The following SCN3A variants were observed in gnomAD, a reference collection of about 807,000 sequenced individuals.
SCN3A encodes sodium voltage-gated channel alpha subunit 3.
SCN3A carries 60 observed loss-of-function variants against 187.6 expected under a neutral mutation model. That is an observed-to-expected ratio of 0.32 (90% CI 0.26 to 0.40). The LOEUF (loss-of-function observed/expected upper bound fraction) is 0.40. Ranked by LOEUF, SCN3A falls within the 10% of genes least tolerant of loss-of-function variation. The probability of loss-of-function intolerance (pLI) is 1.00; values close to 1 mark genes in which losing one functional copy is unlikely to be tolerated. For missense variants in SCN3A, 1,601 were observed against 2,428.2 expected (o/e 0.66, Z 7.16); for synonymous variants, 788 against 829.2 (o/e 0.95, Z 0.85).
intron 2 of SCN3A, among the ~76,000 whole-genome samples, chr2:165,180,186 A>C (rs182619019): frequency 3.3e-5 from 5 of 152,190 alleles, no homozygotes; most frequent in Non-Finnish European, 7.3e-5. Flanking sequence ...TATTTGAGGA[A>C]TAAACTGCGG....
In SCN3A at chr2:165,088,643, A is replaced by G. The variant is rs1684943153; in HGVS notation, c.*1507T>C. The G allele has an allele frequency of 6.6e-6, 1 of 152,564 alleles. No homozygotes were observed. The highest frequency in any genetic ancestry group is 6.5e-5 in the Admixed American group (1 of 15,282). 9.5% of individuals were successfully genotyped at this position (152,564 alleles called of 1,614,324 possible). On this transcript the variant is annotated 3_prime_UTR_variant, in exon 28 of 28. Coordinates refer to ENST00000283254, the MANE Select transcript of SCN3A (RefSeq NM_006922.4). ...ATCCATTGAAAAATCTTATGGATTC[A>G]AAAGTTTGGAATTGTGATTAAAAAT... is the stretch of plus-strand genomic sequence containing the variant.
At chr2:165,123,858 A>G (rs890426268) in intron 18 of SCN3A, among the ~76,000 whole-genome samples, 1 of 152,102 alleles carries the variant, frequency 6.6e-6, no homozygotes, top group African/African-American at 2.4e-5. Context: ...TTTTATTTTA[A>G]AAACTGTCTG....
chr2:165,125,109 A>G (rs763077088), intron 18 of SCN3A, among the ~76,000 whole-genome samples: 136 of 152,154 alleles, frequency 8.9e-4, no homozygotes, highest in Non-Finnish European at 1.7e-3. Flanking sequence ...ATAATCTGCA[A>G]TGATAACCCT....
chr2:165,100,246 A>C (rs770930949), intron 22 of SCN3A, 56 bp downstream of exon 22: 384 of 1,581,080 alleles, frequency 2.4e-4, no homozygotes, highest in Non-Finnish European at 3.2e-4. Context: ...TTTCTATCTA[A>C]ATCATTACCT....
In SCN3A at chr2:165,168,047, G is replaced by T. The variant is rs147613502; in HGVS notation, c.473+689C>A. Among the ~76,000 whole-genome samples the T allele has an allele frequency of 4.9e-3, 746 of 152,174 alleles. 3 individuals are homozygous for T. The highest frequency in any genetic ancestry group is 8.4e-3 in the Non-Finnish European group (568 of 67,956). On this transcript the variant is annotated intron_variant, in intron 5 of 27. Transcript: ENST00000283254. ...AAAGAACTCAATGGCTATGATTTTAGGTACAAACATTAGAAAAGAATCAAC... is the reference window on the plus strand; with the variant it reads ...AAAGAACTCAATGGCTATGATTTTATGTACAAACATTAGAAAAGAATCAAC...
At chr2:165,162,190 C>T in intron 9 of SCN3A, 118 bp downstream of exon 9, 1 of 906,022 alleles carries the variant, frequency 1.1e-6, no homozygotes, top group Non-Finnish European at 1.8e-6. Flanking sequence ...AGGGGAGCAG[C>T]ACTGCTCTTT....
rs572733460 is a variant in SCN3A at position 165,183,846 on chromosome 2, G to C, written c.-51+2705C>G. Among the ~76,000 whole-genome samples, 5 of 152,220 alleles carry C rather than the reference G, an allele frequency of 3.3e-5. No homozygotes were observed. The South Asian group carries it at 1.0e-3, about 32-fold the overall frequency. ...TCATCTTTATGGATGGAAAGTTGCTGTATGTCATACAACTTGAGATAGCAT... is the reference window on the plus strand; with the variant it reads ...TCATCTTTATGGATGGAAAGTTGCTCTATGTCATACAACTTGAGATAGCAT... On this transcript the variant is annotated intron_variant, in intron 2 of 27. Transcript: ENST00000283254.
chr2:165,136,213 G>T (rs908854717), intron 15 of SCN3A, among the ~76,000 whole-genome samples: 3 of 152,026 alleles, frequency 2.0e-5, no homozygotes, highest in Non-Finnish European at 4.4e-5. Flanking sequence ...CTTATCCTGT[G>T]TTTCCATACT....
chr2:165,119,062 C>G (rs1686520214), intron 18 of SCN3A, among the ~76,000 whole-genome samples: 1 of 152,028 alleles, frequency 6.6e-6, no homozygotes, highest in Non-Finnish European at 1.5e-5. Context: ...GTGCCTGGCC[C>G]ACCTGGATGA....
intron 21 of SCN3A, among the ~76,000 whole-genome samples, chr2:165,105,960 T>G (rs1190132311): frequency 1.3e-5 from 2 of 152,338 alleles, no homozygotes; most frequent in Admixed American, 6.5e-5. Flanking sequence ...TACTTTTATC[T>G]TTATGGTTTA....
rs112943141 is a variant in SCN3A at position 165,147,022 on chromosome 2, G to C, written c.1388C>G (p.Ala463Gly). Residue 463 changes from alanine to glycine, a missense_variant, in exon 12 of 28, where the codon GCG becomes GGG. Physicochemically the swap from Ala to Gly is moderately conservative, Grantham distance 60. Around this residue, in one of 11 missense-constraint regions of SCN3A, gnomAD observed 376 missense variants for 476.0 expected, o/e 0.79. Coordinates refer to ENST00000283254, the MANE Select transcript of SCN3A (RefSeq NM_006922.4). The stretch of plus-strand genomic sequence containing the variant: ...ATCTCTTGAAGCAGCTGATGCTGCC[G>C]CAACTGCCTGTCATAAAACAAAGCC... ...KKQQEEAQAVAAASAASRDFS... is the reference protein window; with the variant it reads ...KKQQEEAQAVGAASAASRDFS... 6.2e-7 allele frequency: 1 copy of C among 1,613,834 alleles called. No individual in the cohort carries two copies. Among genetic ancestry groups the C allele is most frequent in the Non-Finnish European group, 8.5e-7 (1 of 1,179,884 alleles).
chr2:165,091,930 T>C (rs1191924698), intron 27 of SCN3A: 6 of 394,654 alleles, frequency 1.5e-5, no homozygotes, highest in Non-Finnish European at 1.4e-5. Flanking sequence ...ATACCAACTT[T>C]ATTGCATTAC....
At position 165,163,327 on chromosome 2, in the gene SCN3A, T is replaced by A. The variant is rs151011315; in HGVS notation, c.694+291A>T. Among the ~76,000 whole-genome samples the A allele has an allele frequency of 2.6e-5, 4 of 152,182 alleles. No individual in the cohort carries two copies. In the East Asian group the frequency reaches 7.7e-4, roughly 29 times the overall value. On this transcript the variant is annotated intron_variant, in intron 7 of 27. Transcript: ENST00000283254. ...TCTGCAGCGAATGGTAAAATCCAAA[T>A]CTGTTAGTAAAGCCATGGTAGTGAA...
In SCN3A at chr2:165,140,798, G is replaced by A. The variant is rs377030988; in HGVS notation, c.1872C>T (p.Asn624=). 4 of 1,613,978 alleles carry A rather than the reference G, an allele frequency of 2.5e-6. No individual in the cohort carries two copies. Among genetic ancestry groups the A allele is most frequent in the Non-Finnish European group, 3.4e-6 (4 of 1,180,006 alleles). Residue 624 remains asparagine (N), a synonymous_variant, in exon 13 of 28, where the codon AAC becomes AAT. Transcript: ENST00000283254. This position sits in a 1 kb window ranked among gnomAD's most constrained non-coding sequence, Gnocchi z 4.2. ...PHRHGERRNS[N]VSQASMSSRM... is the part of the protein sequence containing the mutation. ...TGGATGACATACTGGCCTGACTAAC[G>A]TTACTGTTGCGTCGCTCTCCATGTC...
In SCN3A at chr2:165,162,369, G is replaced by T; in HGVS notation, c.970C>A (p.His324Asn). 2 of 1,612,568 alleles carry T rather than the reference G, an allele frequency of 1.2e-6. No homozygotes were observed. Among genetic ancestry groups the T allele is most frequent in the South Asian group, 1.1e-5 (1 of 90,950 alleles). ...TTTTGCCCATCCAAAACATAAAAGT[G>T]ACCTGTTAATACAAAAAAAAACCCA... is the stretch of plus-strand genomic sequence containing the variant. ...NWKDYIGDDS[H>N]FYVLDGQKDP... is the part of the protein sequence containing the mutation. The change falls in exon 9 of 28, where the codon CAC (histidine) becomes AAC (asparagine). Residue 324 changes from histidine (H) to asparagine (N), a missense_variant and splice_region_variant. Physicochemically the swap from His to Asn is moderately conservative, Grantham distance 68 (BLOSUM62 1). Coordinates refer to ENST00000283254, the MANE Select transcript of SCN3A (RefSeq NM_006922.4).
chr2:165,200,455 A>T (rs193017785), intron 1 of SCN3A, among the ~76,000 whole-genome samples: 59 of 152,198 alleles, frequency 3.9e-4, no homozygotes, highest in African/African-American at 1.3e-3. Flanking sequence ...AAAATCTTTA[A>T]ATGCTTATTC....
chr2:165,197,217 A>G (rs975744156), intron 1 of SCN3A, among the ~76,000 whole-genome samples: 1 of 152,134 alleles, frequency 6.6e-6, no homozygotes, highest in Non-Finnish European at 1.5e-5. Context: ...TACTTAACAC[A>G]TGCCCGCTGG....
intron 12 of SCN3A, among the ~76,000 whole-genome samples, chr2:165,145,752 AAATT>A (rs1688280510): frequency 6.6e-6 from 1 of 151,960 alleles, no homozygotes. Context: ...GTTTTTGATT[AAATT>A]AATCTTATAT....
At chr2:165,100,488 G>A in intron 21 of SCN3A, 64 bp from the exon 22 acceptor site, 1 of 1,532,342 alleles carries the variant, frequency 6.5e-7, no homozygotes, top group African/African-American at 1.4e-5. Flanking sequence ...AAGGTATAGG[G>A]TGTGGTATCT....
Sources: gnomAD v4.1 joint callset for allele counts (sites outside exome capture counted in the v4.1 genomes callset) on GRCh38, gnomAD v4.1.1 for gene constraint, gnomAD v4.1.1 regional missense constraint, Gnocchi (gnomAD v3.1) non-coding constraint, MANE v1.5 for transcripts, NCBI Gene and HGNC (gene_info 2026-07-23, HGNC 2026-07-21) for gene names.